CADPS: variants seen among roughly 807,000 people sequenced by gnomAD.
The protein encoded by CADPS is calcium dependent secretion activator, also known as calcium-dependent secretion activator 1.
A neutral mutation model predicts 167.3 loss-of-function variants in CADPS; 57 were observed. The observed-to-expected ratio is 0.34, with a 90% CI of 0.28 to 0.42. The LOEUF is 0.42. Among genes scored for constraint, CADPS ranks in the 20% least tolerant of loss-of-function variants. CADPS has a pLI of 1.00. For synonymous variants in CADPS, 676 were observed against 635.3 expected (o/e 1.06, Z -0.96); for missense variants, 1,414 against 1,738.1 (o/e 0.81, Z 3.32).
At chr3:62,427,126 C>G (rs2052910547) in intron 28 of CADPS, among the ~76,000 whole-genome samples, 1 of 151,118 alleles carries the variant, frequency 6.6e-6, no homozygotes, top group Non-Finnish European at 1.5e-5. Context: ...TAGAAGGAGG[C>G]TGTAGTGACT....
intron 16 of CADPS, 105 bp downstream of exon 16, chr3:62,515,954 T>C (rs2068868381): frequency 7.2e-7 from 1 of 1,392,766 alleles, no homozygotes; most frequent in Non-Finnish European, 9.9e-7. Context: ...CTTAATATAC[T>C]CAGACGGACC....
At position 62,592,762 on chromosome 3, in the gene CADPS, C is replaced by A. The variant is rs2086336020; in HGVS notation, c.1326-14G>T. The A allele has an allele frequency of 6.3e-7, 1 of 1,586,926 alleles. No homozygotes were observed. The highest frequency in any genetic ancestry group is 1.1e-5 in the South Asian group (1 of 90,414). On this transcript the variant is annotated splice_polypyrimidine_tract_variant and intron_variant, in intron 6 of 29. Coordinates refer to ENST00000383710, the MANE Select transcript of CADPS (RefSeq NM_003716.4). ...TGGGTGCCCCAGCTGCAGACAGAAT[C>A]AAAGAGGTCATTGTAGACATATCTG...
Position 62,412,974 on chromosome 3 carries a change from T to C in CADPS, c.3778-9789A>G, listed in dbSNP as rs531715051. On this transcript the variant is annotated intron_variant, in intron 28 of 29. Coordinates refer to ENST00000383710, the MANE Select transcript of CADPS (RefSeq NM_003716.4). The surrounding 1 kb of genome is among the most constrained non-coding windows in gnomAD (Gnocchi z 4.1). ...CCCCTTTATCCTACCCAATCCCACT[T>C]TTCAATATGGCGGGTGGTCATCAGT... is the stretch of plus-strand genomic sequence containing the variant. 6.6e-6 allele frequency among the ~76,000 whole-genome samples: 1 copy of C among 152,254 alleles called. No individual in the cohort carries two copies. The highest frequency in any genetic ancestry group is 2.1e-4 in the South Asian group (1 of 4,824).
intron 1 of CADPS, among the ~76,000 whole-genome samples, chr3:62,819,407 C>CGTGTGTGT (rs3047244): frequency 0.031 from 4,450 of 144,018 alleles, 198 homozygotes; most frequent in African/African-American, 0.092. Context: ...AATCTGTGTG[C>CGTGTGTGT]GTGTGTGTGT....
chr3:62,564,514 C>T (rs2152405491), intron 9 of CADPS, among the ~76,000 whole-genome samples: 1 of 151,938 alleles, frequency 6.6e-6, no homozygotes. Context: ...AGAGGAACCA[C>T]AGAATATTAC....
rs374651764 is a variant in CADPS at position 62,399,858 on chromosome 3, G to C, written c.3883-273C>G. Among the ~76,000 whole-genome samples, 1 of 152,158 alleles carries C rather than the reference G, an allele frequency of 6.6e-6. No homozygotes were observed. The highest frequency in any genetic ancestry group is 1.5e-5 in the Non-Finnish European group (1 of 68,034). ...CTTGTGTTTATTCAGTTCCATAAAG[G>C]GAAATGTTCCATAATTGTTTTGGTT... On this transcript the variant is annotated intron_variant, in intron 29 of 29. Coordinates refer to ENST00000383710, the MANE Select transcript of CADPS (RefSeq NM_003716.4). This position sits in a 1 kb window ranked among gnomAD's most constrained non-coding sequence, Gnocchi z 5.6.
chr3:62,734,217 C>A (rs548677075), intron 3 of CADPS, among the ~76,000 whole-genome samples: 1 of 152,160 alleles, frequency 6.6e-6, no homozygotes, highest in Non-Finnish European at 1.5e-5. Context: ...CAGATATAGA[C>A]CAATGCTGCA....
In CADPS at chr3:62,478,336, T is replaced by C; in HGVS notation, c.3254A>G (p.Glu1085Gly). The C allele has an allele frequency of 6.2e-7, 1 of 1,613,880 alleles. No individual in the cohort carries two copies. Among genetic ancestry groups the C allele is most frequent in the East Asian group, 2.2e-5 (1 of 44,886 alleles). ...TTCCAGGTGCTTTCCAAACTCTTCT[T>C]CAGGCCAGTGCAGGTCCCGAATGAA... ...QTFIRDLHWPEEEFGKHLEQR... is the reference protein window; with the variant it reads ...QTFIRDLHWPGEEFGKHLEQR... The change falls in exon 23 of 30, where the codon GAA (glutamate) becomes GGA (glycine). Residue 1085 changes from glutamate (E) to glycine (G), a missense_variant. Coordinates refer to ENST00000383710, the MANE Select transcript of CADPS (RefSeq NM_003716.4). This position sits in a 1 kb window ranked among gnomAD's most constrained non-coding sequence, Gnocchi z 5.7.
chr3:62,796,652 G>A (rs2093428593), intron 1 of CADPS, among the ~76,000 whole-genome samples: 2 of 152,086 alleles, frequency 1.3e-5, no homozygotes, highest in South Asian at 2.1e-4. Flanking sequence ...GGCATCATTT[G>A]CTTAAACTAA....
chr3:62,538,244 CTTT>C (rs1444465109), intron 11 of CADPS, among the ~76,000 whole-genome samples: 1 of 152,048 alleles, frequency 6.6e-6, no homozygotes, highest in African/African-American at 2.4e-5. Flanking sequence ...TACATTTCTT[CTTT>C]GACTTAGGAT....
chr3:62,690,355 T>C (rs1412120362), intron 3 of CADPS, among the ~76,000 whole-genome samples: 2 of 152,088 alleles, frequency 1.3e-5, no homozygotes, highest in Non-Finnish European at 2.9e-5. Flanking sequence ...GTTCTTATGC[T>C]GTAGGTCACG....
At chr3:62,535,207 G>A (rs369938916) in intron 12 of CADPS, among the ~76,000 whole-genome samples, 1 of 150,760 alleles carries the variant, frequency 6.6e-6, no homozygotes, top group African/African-American at 2.4e-5. Context: ...GCCTTGCAAT[G>A]CAAGGTAAGC....
chr3:62,492,709 G>A (rs915815192), intron 19 of CADPS, among the ~76,000 whole-genome samples: 2 of 152,142 alleles, frequency 1.3e-5, no homozygotes, highest in African/African-American at 4.8e-5. Flanking sequence ...AATGACAGAC[G>A]TGGAACTTCT....
chr3:62,754,467 C>A (rs2083409961), intron 2 of CADPS, among the ~76,000 whole-genome samples: 1 of 152,136 alleles, frequency 6.6e-6, no homozygotes, highest in South Asian at 2.1e-4. Flanking sequence ...GGATTACAGG[C>A]ATGAGTCAAT....
chr3:62,409,095 A>T, intron 28 of CADPS, among the ~76,000 whole-genome samples: 1 of 152,348 alleles, frequency 6.6e-6, no homozygotes, highest in South Asian at 2.1e-4. Context: ...CTTGAACTCA[A>T]GATGTTGATA....
chr3:62,542,984 A>C (rs1290912467), intron 11 of CADPS, among the ~76,000 whole-genome samples: 1 of 152,170 alleles, frequency 6.6e-6, no homozygotes, highest in Non-Finnish European at 1.5e-5. Flanking sequence ...TAATAATCTT[A>C]CTATAACTCA....
At chr3:62,741,793 GA>G (rs2080322671) in intron 3 of CADPS, among the ~76,000 whole-genome samples, 1 of 151,940 alleles carries the variant, frequency 6.6e-6, no homozygotes, top group African/African-American at 2.4e-5. Context: ...GCAAGAGAAA[GA>G]AAAAAAGAGC....
intron 24 of CADPS, among the ~76,000 whole-genome samples, chr3:62,473,036 TG>T (rs2060814689): frequency 6.6e-6 from 1 of 152,188 alleles, no homozygotes; most frequent in Admixed American, 6.5e-5. Flanking sequence ...ATGATCTGGG[TG>T]TTCAGATGCT....
intron 1 of CADPS, among the ~76,000 whole-genome samples, chr3:62,797,346 C>T (rs1486709451): frequency 6.6e-6 from 1 of 152,098 alleles, no homozygotes; most frequent in Non-Finnish European, 1.5e-5. Context: ...TTCTGTGTGA[C>T]TGCTCCCCTC....
Sources: gnomAD v4.1 joint callset for allele counts (sites outside exome capture counted in the v4.1 genomes callset) on GRCh38, gnomAD v4.1.1 for gene constraint, Gnocchi (gnomAD v3.1) non-coding constraint, MANE v1.5 for transcripts, NCBI Gene and HGNC (gene_info 2026-07-23, HGNC 2026-07-21) for gene names.